The following CDK6 variants were observed in gnomAD, a reference collection of about 807,000 sequenced individuals.
The protein encoded by CDK6 is cyclin-dependent kinase 6.
A neutral mutation model predicts 37.1 loss-of-function variants in CDK6; 6 were observed. The observed-to-expected ratio is 0.16, with a 90% CI of 0.09 to 0.32. The LOEUF (loss-of-function observed/expected upper bound fraction) is 0.32. CDK6 is among the 10% of genes least tolerant of loss of function. CDK6 has a pLI of 1.00. For missense variants in CDK6, 224 were observed against 418.9 expected (o/e 0.53, Z 4.06); for synonymous variants, 160 against 161.3 (o/e 0.99, Z 0.06).
intron 7 of CDK6, among the ~76,000 whole-genome samples, chr7:92,616,726 T>C (rs1439797216): frequency 2.0e-5 from 3 of 152,180 alleles, no homozygotes; most frequent in African/African-American, 4.8e-5. Flanking sequence ...ACATTCACAA[T>C]ACAGAGACAT....
At chr7:92,775,913 T>C (rs1029911591) in intron 2 of CDK6, among the ~76,000 whole-genome samples, 3 of 152,100 alleles carry the variant, frequency 2.0e-5, no homozygotes, top group African/African-American at 7.2e-5. Context: ...ATTACCTCCG[T>C]TAATTTTTTT....
chr7:92,619,646 T>G (rs1426342270), intron 6 of CDK6, among the ~76,000 whole-genome samples: 1 of 151,644 alleles, frequency 6.6e-6, no homozygotes, highest in African/African-American at 2.4e-5. Context: ...TCCCCTTCCC[T>G]CACCTACACG....
At chr7:92,721,871 T>C (rs1769612856) in intron 4 of CDK6, among the ~76,000 whole-genome samples, 1 of 152,144 alleles carries the variant, frequency 6.6e-6, no homozygotes, top group Non-Finnish European at 1.5e-5. Context: ...ATAAAGATCA[T>C]AATATAAAGG....
intron 4 of CDK6, among the ~76,000 whole-genome samples, chr7:92,704,447 C>G (rs1301309831): frequency 1.3e-5 from 2 of 152,162 alleles, no homozygotes; most frequent in Non-Finnish European, 2.9e-5. Context: ...TATTCCCTTG[C>G]TTCTTTACTT....
At chr7:92,717,160 A>T (rs1158189067) in intron 4 of CDK6, among the ~76,000 whole-genome samples, 1 of 151,612 alleles carries the variant, frequency 6.6e-6, no homozygotes, top group Non-Finnish European at 1.5e-5. Flanking sequence ...TGGGCAACAT[A>T]ATGAGACCCC....
intron 4 of CDK6, among the ~76,000 whole-genome samples, chr7:92,695,379 G>C (rs1797694158): frequency 6.6e-6 from 1 of 152,084 alleles, no homozygotes; most frequent in South Asian, 2.1e-4. Context: ...ATATCTGAGG[G>C]CACTGGATCA....
chr7:92,658,878 C>T (rs1796770376), intron 5 of CDK6, among the ~76,000 whole-genome samples: 1 of 152,096 alleles, frequency 6.6e-6, no homozygotes, highest in Admixed American at 6.6e-5. Context: ...GACAATGAGG[C>T]TCCCCAGGTG....
chr7:92,630,363 T>G (rs1796024212), intron 5 of CDK6, among the ~76,000 whole-genome samples: 1 of 151,972 alleles, frequency 6.6e-6, no homozygotes, highest in African/African-American at 2.4e-5. Flanking sequence ...TTCAGGGGGA[T>G]TCTTAAGGCT....
At chr7:92,644,346 A>C (rs1247871062) in intron 5 of CDK6, among the ~76,000 whole-genome samples, 1 of 152,184 alleles carries the variant, frequency 6.6e-6, no homozygotes, top group Non-Finnish European at 1.5e-5. Context: ...TTTACAGCTA[A>C]GAAGGGAATA....
chr7:92,781,386 G>T (rs1233368105), intron 2 of CDK6, among the ~76,000 whole-genome samples: 1 of 152,184 alleles, frequency 6.6e-6, no homozygotes, highest in African/African-American at 2.4e-5. Context: ...AATTAACTCT[G>T]CATCCTACCC....
chr7:92,695,000 T>C (rs982605506), intron 4 of CDK6, among the ~76,000 whole-genome samples: 6 of 152,000 alleles, frequency 3.9e-5, no homozygotes, highest in African/African-American at 1.4e-4. Context: ...CTACGACATA[T>C]TAAAAAGTTT....
intron 3 of CDK6, among the ~76,000 whole-genome samples, chr7:92,758,284 T>C (rs1799364448): frequency 6.6e-6 from 1 of 152,248 alleles, no homozygotes; most frequent in African/African-American, 2.4e-5. Flanking sequence ...TGTAAGTCTT[T>C]AATCCCTCTT....
rs1801580584 is a variant in CDK6 at position 92,834,166 on chromosome 7, A to G, written c.-367-476T>C. ...CGTTCAGGGGTCGCGCACAAGCTGGAGCGGAAGGACTGTGGGTCCATCCGT... is the reference window on the plus strand; with the variant it reads ...CGTTCAGGGGTCGCGCACAAGCTGGGGCGGAAGGACTGTGGGTCCATCCGT... On this transcript the variant is annotated intron_variant, in intron 1 of 7. Transcript: ENST00000424848. The surrounding 1 kb of genome is among the most constrained non-coding windows in gnomAD (Gnocchi z 4.6). Among the ~76,000 whole-genome samples, 1 of 152,020 alleles carries G rather than the reference A, an allele frequency of 6.6e-6. No homozygotes were observed. The highest frequency in any genetic ancestry group is 2.4e-5 in the African/African-American group (1 of 41,386).
intron 3 of CDK6, among the ~76,000 whole-genome samples, chr7:92,753,165 C>A (rs1799226245): frequency 6.6e-6 from 1 of 152,032 alleles, no homozygotes; most frequent in Non-Finnish European, 1.5e-5. Flanking sequence ...ATAAATGTCA[C>A]AACCTGATGT....
intron 5 of CDK6, among the ~76,000 whole-genome samples, chr7:92,625,514 T>C (rs1430867252): frequency 6.6e-6 from 1 of 150,806 alleles, no homozygotes; most frequent in Non-Finnish European, 1.5e-5. Flanking sequence ...GCAATATCAC[T>C]TCCTGTATGC....
intron 4 of CDK6, among the ~76,000 whole-genome samples, chr7:92,691,073 A>G (rs1197349603): frequency 3.3e-5 from 5 of 152,224 alleles, no homozygotes; most frequent in African/African-American, 1.2e-4. Context: ...ACAAATTCTA[A>G]TTACTTATAC....
At position 92,713,471 on chromosome 7, in the gene CDK6, T is replaced by C. The variant is rs947715468; in HGVS notation, c.537+12155A>G. 1.1e-4 allele frequency among the ~76,000 whole-genome samples: 16 copies of C among 152,248 alleles called. 2 individuals are homozygous for C. The highest frequency in any genetic ancestry group is 1.0e-3 in the Admixed American group (16 of 15,292). ...TTTGAACCCAAGATTTGGTTTCTATTACAACTCCATTAAAAATGTTCCCTG... is the reference window on the plus strand; with the variant it reads ...TTTGAACCCAAGATTTGGTTTCTATCACAACTCCATTAAAAATGTTCCCTG... On this transcript the variant is annotated intron_variant, in intron 4 of 7. Coordinates refer to ENST00000424848, the MANE Select transcript of CDK6 (RefSeq NM_001145306.2).
At chr7:92,701,550 C>T (rs921446776) in intron 4 of CDK6, among the ~76,000 whole-genome samples, 5 of 151,988 alleles carry the variant, frequency 3.3e-5, no homozygotes, top group South Asian at 2.1e-4. Context: ...GGACTACAGG[C>T]GCCTGCAACC....
chr7:92,654,293 A>AT (rs1164242077), intron 5 of CDK6, among the ~76,000 whole-genome samples: 1 of 146,584 alleles, frequency 6.8e-6, no homozygotes, highest in African/African-American at 2.5e-5. Context: ...CACTTTCAGA[A>AT]TTTTTTTCTT....
Sources: gnomAD v4.1 joint callset for allele counts (sites outside exome capture counted in the v4.1 genomes callset) on GRCh38, gnomAD v4.1.1 for gene constraint, Gnocchi (gnomAD v3.1) non-coding constraint, MANE v1.5 for transcripts, NCBI Gene and HGNC (gene_info 2026-07-23, HGNC 2026-07-21) for gene names.